CHODL: variants seen among roughly 807,000 people sequenced by gnomAD.
CHODL encodes chondrolectin.
In CHODL, 29 loss-of-function variants were observed where a neutral mutation model predicts 34.5. That is an observed-to-expected ratio of 0.84 (90% CI 0.63 to 1.15). The LOEUF (loss-of-function observed/expected upper bound fraction) is 1.15, where lower values mean the gene tolerates loss of function less well. Among genes scored for constraint, CHODL ranks in the 50% most tolerant of loss-of-function variants. The pLI, the probability that CHODL is intolerant of heterozygous loss-of-function variation, is 0.00. For missense variants in CHODL, 332 were observed against 332.5 expected (o/e 1.00, Z 0.01); for synonymous variants, 125 against 116.1 (o/e 1.08, Z -0.49).
chr21:18,063,009 C>T (rs995786607), intron 2 of CHODL, among the ~76,000 whole-genome samples: 27 of 151,946 alleles, frequency 1.8e-4, no homozygotes, highest in African/African-American at 4.1e-4. Flanking sequence ...CTCAAAGAAA[C>T]GTGAGAAAAA....
chr21:18,039,284 T>C (rs2064347491), intron 2 of CHODL, among the ~76,000 whole-genome samples: 1 of 151,746 alleles, frequency 6.6e-6, no homozygotes, highest in Non-Finnish European at 1.5e-5. Context: ...AAGAAATCTA[T>C]TTTGATTGTT....
intron 1 of CHODL, among the ~76,000 whole-genome samples, chr21:17,990,232 T>C (rs2063786320): frequency 6.6e-6 from 1 of 152,072 alleles, no homozygotes; most frequent in African/African-American, 2.4e-5. Context: ...TATATATATC[T>C]CCTCTCTTTG....
At chr21:18,141,723 G>GAAAAAAAA (rs11308901) in intron 2 of CHODL, among the ~76,000 whole-genome samples, 1 of 124,580 alleles carries the variant, frequency 8.0e-6, no homozygotes, top group African/African-American at 2.8e-5. Context: ...GAAAGAACAG[G>GAAAAAAAA]AAAAAAAAAA....
At chr21:18,004,905 A>C (rs568738602) in intron 1 of CHODL, among the ~76,000 whole-genome samples, 2 of 152,192 alleles carry the variant, frequency 1.3e-5, no homozygotes, top group Admixed American at 1.3e-4. Flanking sequence ...GTGTGATGAT[A>C]TCCTGTTACC....
chr21:18,099,760 C>G (rs1454540730), intron 2 of CHODL, among the ~76,000 whole-genome samples: 1 of 152,066 alleles, frequency 6.6e-6, no homozygotes, highest in African/African-American at 2.4e-5. Context: ...AACTACTTCT[C>G]CACACCATTT....
At chr21:18,022,552 A>G (rs762671855) in intron 1 of CHODL, 2 of 152,076 alleles carry the variant, frequency 1.3e-5, no homozygotes, top group East Asian at 3.9e-4. Context: ...CCTCTTTGAG[A>G]TTTGGGTATC....
intron 2 of CHODL, among the ~76,000 whole-genome samples, chr21:18,193,528 T>C (rs1253830820): frequency 6.6e-6 from 1 of 151,578 alleles, no homozygotes; most frequent in Non-Finnish European, 1.5e-5. Flanking sequence ...ACCCAGTCTC[T>C]ACTAAAAAAA....
At chr21:18,192,300 T>C (rs181950168) in intron 2 of CHODL, among the ~76,000 whole-genome samples, 288 of 152,316 alleles carry the variant, frequency 1.9e-3, no homozygotes, top group African/African-American at 4.2e-3. Flanking sequence ...AGGACAGTAA[T>C]GAACTTTTTT....
intron 1 of CHODL, among the ~76,000 whole-genome samples, chr21:17,957,544 T>G (rs1240556463): frequency 1.3e-5 from 2 of 152,098 alleles, no homozygotes; most frequent in Non-Finnish European, 2.9e-5. Context: ...GGACCATGAA[T>G]AGTGGAAATT....
intron 1 of CHODL, among the ~76,000 whole-genome samples, chr21:17,996,113 C>T (rs1254041713): frequency 2.0e-5 from 3 of 151,680 alleles, no homozygotes; most frequent in Non-Finnish European, 4.4e-5. Context: ...TACCTATGGT[C>T]ACATGCTTCC....
chr21:18,113,821 T>C lies in CHODL; in HGVS notation c.-45+85850T>C, dbSNP rs1300701747. Reference sequence around the variant, plus strand: ...ACTCATAAGAAAGGAAAGCAGTATATTGAAGAGATATCTGTACTCCTGTGT... The same window carrying C: ...ACTCATAAGAAAGGAAAGCAGTATACTGAAGAGATATCTGTACTCCTGTGT... On this transcript the variant is annotated intron_variant, in intron 2 of 6. Coordinates refer to the CHODL transcript ENST00000400127. 2.0e-5 allele frequency among the ~76,000 whole-genome samples: 3 copies of C among 152,298 alleles called. No individual in the cohort carries two copies. In the East Asian group the frequency reaches 5.8e-4, roughly 29 times the overall value.
intron 2 of CHODL, among the ~76,000 whole-genome samples, chr21:18,100,646 A>T (rs995690977): frequency 5.9e-5 from 9 of 152,116 alleles, no homozygotes; most frequent in Non-Finnish European, 1.2e-4. Context: ...GGATGGGTAG[A>T]AGTAGGGTAG....
chr21:18,193,466 C>T lies in CHODL; in HGVS notation c.-44-63043C>T, dbSNP rs187339550. Among the ~76,000 whole-genome samples the T allele has an allele frequency of 3.0e-4, 46 of 151,940 alleles. No individual in the cohort carries two copies. The East Asian group carries it at 3.5e-3, about 12-fold the overall frequency. ...ATCCCAGCATTTTGGGAGGCTGAGG[C>T]GGGCGGATCACGAGGTCAGGAGTTT... On this transcript the variant is annotated intron_variant, in intron 2 of 6. Coordinates refer to the CHODL transcript ENST00000400127.
intron 1 of CHODL, among the ~76,000 whole-genome samples, chr21:17,999,772 A>G (rs2063887645): frequency 6.6e-6 from 1 of 152,184 alleles, no homozygotes; most frequent in Admixed American, 6.5e-5. Context: ...TAGGAGATAC[A>G]ATTCAAGCTG....
intron 1 of CHODL, among the ~76,000 whole-genome samples, chr21:18,001,618 A>G (rs1364763416): frequency 6.6e-6 from 1 of 152,136 alleles, no homozygotes; most frequent in East Asian, 1.9e-4. Flanking sequence ...TTACATTGTT[A>G]TATGTTGCTT....
intron 1 of CHODL, among the ~76,000 whole-genome samples, chr21:18,248,709 A>AATATATATACATATATATGTATATAAT (rs199622783): frequency 8.5e-6 from 1 of 118,082 alleles, no homozygotes; most frequent in African/African-American, 3.8e-5. Context: ...ATATGTATAT[A>AATATATATACATATATATGTATATAAT]ATATATACAT....
chr21:17,920,847 A>G (rs1188240754), intron 1 of CHODL, among the ~76,000 whole-genome samples: 3 of 152,220 alleles, frequency 2.0e-5, no homozygotes, highest in African/African-American at 7.2e-5. Flanking sequence ...CTTGAGAATA[A>G]GTTTTCATAT....
intron 1 of CHODL, among the ~76,000 whole-genome samples, chr21:17,932,085 A>G (rs2063277929): frequency 6.6e-6 from 1 of 152,230 alleles, no homozygotes; most frequent in African/African-American, 2.4e-5. Context: ...AGAATCTACA[A>G]GGAACTCAAG....
chr21:17,979,308 A>G (rs2063696042), intron 1 of CHODL, among the ~76,000 whole-genome samples: 2 of 152,172 alleles, frequency 1.3e-5, no homozygotes, highest in African/African-American at 4.8e-5. Flanking sequence ...TGTTAGATCA[A>G]ATTTGCTGTA....
Sources: gnomAD v4.1 joint callset for allele counts (sites outside exome capture counted in the v4.1 genomes callset) on GRCh38, gnomAD v4.1.1 for gene constraint, MANE v1.5 for transcripts, NCBI Gene and HGNC (gene_info 2026-07-23, HGNC 2026-07-21) for gene names.